The following TEX9 variants were observed in gnomAD, a reference collection of about 807,000 sequenced individuals.
TEX9 encodes the protein testis-expressed protein 9.
In TEX9, 74 loss-of-function variants were observed where a neutral mutation model predicts 59.6. The ratio of observed to expected loss-of-function variants is 1.24; its 90% CI spans 1.03 to 1.51. The LOEUF (loss-of-function observed/expected upper bound fraction) is 1.51, where lower values mean the gene tolerates loss of function less well. TEX9 is among the 40% of genes most tolerant of loss of function. TEX9 has a pLI of 0.00. For missense variants in TEX9, 522 were observed against 447.8 expected, an observed-to-expected ratio of 1.17 and a Z score of -1.49; for synonymous variants, 186 against 152.2, an observed-to-expected ratio of 1.22 and a Z score of -1.64.
chr15:56,365,653 C>T, exon 2 of TEX9: 1 of 1,614,148 alleles, frequency 6.2e-7, no homozygotes, highest in South Asian at 1.1e-5. Context: ...ACCTCCTCGC[C>T]TTGGAGGAAG....
intron 3 of TEX9, among the ~76,000 whole-genome samples, chr15:56,381,860 T>C (rs1288161526): frequency 1.3e-5 from 2 of 152,198 alleles, no homozygotes; most frequent in Non-Finnish European, 2.9e-5. Context: ...ACTACCTGGC[T>C]ACCACCTATG....
intron 10 of TEX9, among the ~76,000 whole-genome samples, chr15:56,419,697 G>C (rs1434895226): frequency 1.3e-5 from 2 of 151,700 alleles, no homozygotes; most frequent in African/African-American, 4.9e-5. Context: ...TCTTGATTTA[G>C]TTTTCTTATA....
At chr15:56,400,046 C>G (rs1461850097) in intron 9 of TEX9, among the ~76,000 whole-genome samples, 4 of 152,166 alleles carry the variant, frequency 2.6e-5, no homozygotes, top group Admixed American at 6.5e-5. Context: ...AGCAGAAAAG[C>G]TGAAAATTCT....
chr15:56,397,487 TGAG>T (rs2048536953), intron 9 of TEX9: 1 of 152,272 alleles, frequency 6.6e-6, no homozygotes, highest in African/African-American at 2.4e-5. Context: ...GCATAAGTCT[TGAG>T]GAGCTGAATG....
chr15:56,423,754 C>T lies in TEX9; in HGVS notation c.964-3851C>T, dbSNP rs907520037. Among the ~76,000 whole-genome samples, 3 of 152,204 alleles carry T rather than the reference C, an allele frequency of 2.0e-5. No homozygotes were observed. The East Asian group carries it at 5.8e-4, about 29-fold the overall frequency. On this transcript the variant is annotated intron_variant, in intron 10 of 12. Transcript: ENST00000352903. Reference sequence around the variant, plus strand: ...TCCTGTCTCTCCATATTTGTCTGTTCTGGTATATGATTATATTTTTTCTTT... The same window carrying T: ...TCCTGTCTCTCCATATTTGTCTGTTTTGGTATATGATTATATTTTTTCTTT...
At chr15:56,354,897 G>A (rs2046656110) in intron 1 of TEX9, among the ~76,000 whole-genome samples, 1 of 152,158 alleles carries the variant, frequency 6.6e-6, no homozygotes, top group Non-Finnish European at 1.5e-5. Context: ...AGTGACTCAA[G>A]TAAGTCAAAC....
chr15:56,271,911 C>T (rs1052070133), intron 1 of TEX9, among the ~76,000 whole-genome samples: 8 of 152,090 alleles, frequency 5.3e-5, no homozygotes, highest in South Asian at 4.1e-4. Context: ...GAGGCTGAGG[C>T]GGGCAGATCA....
At chr15:56,357,400 G>A (rs1223105260) in intron 1 of TEX9, among the ~76,000 whole-genome samples, 5 of 152,066 alleles carry the variant, frequency 3.3e-5, no homozygotes. Context: ...TTGGCATTAT[G>A]ACAGCTCCAG....
At chr15:56,247,069 T>C (rs2043875827) in intron 1 of TEX9, among the ~76,000 whole-genome samples, 2 of 152,196 alleles carry the variant, frequency 1.3e-5, no homozygotes, top group Non-Finnish European at 2.9e-5. Context: ...ATTTAATAAA[T>C]ATTTGTGGAA....
upstream of TEX9, among the ~76,000 whole-genome samples, chr15:56,361,123 T>G (rs1188464274): frequency 6.6e-6 from 1 of 152,214 alleles, no homozygotes; most frequent in African/African-American, 2.4e-5. Flanking sequence ...GATCTTCTCT[T>G]TTTCTTGGTT....
At chr15:56,347,080 A>G (rs1942904587) in intron 1 of TEX9, among the ~76,000 whole-genome samples, 2 of 152,202 alleles carry the variant, frequency 1.3e-5, no homozygotes, top group African/African-American at 4.8e-5. Flanking sequence ...AAGATTTCAA[A>G]AAGGATCAGA....
intron 9 of TEX9, chr15:56,396,917 C>T (rs1264551011): frequency 6.6e-6 from 1 of 152,200 alleles, no homozygotes; most frequent in East Asian, 1.9e-4. Context: ...TGTGTCTTAC[C>T]AGCAGCATGA....
intron 1 of TEX9, among the ~76,000 whole-genome samples, chr15:56,299,636 A>C (rs1302569544): frequency 2.6e-5 from 4 of 152,082 alleles, no homozygotes; most frequent in African/African-American, 9.7e-5. Context: ...CCTTACTTCC[A>C]TTTGAGGAGA....
chr15:56,311,206 A>T (rs9796722), intron 1 of TEX9, among the ~76,000 whole-genome samples: 61,510 of 138,310 alleles, frequency 0.44, 14,709 homozygotes, highest in Non-Finnish European at 0.54. Flanking sequence ...GGTTAGTTAC[A>T]TATGTATACA....
chr15:56,450,072 C>A (rs2050938025), downstream of TEX9, among the ~76,000 whole-genome samples: 1 of 152,124 alleles, frequency 6.6e-6, no homozygotes, highest in Admixed American at 6.5e-5. Context: ...TTATTGCCTT[C>A]CTCCTACCTT....
At chr15:56,404,223 G>C (rs1317673420) in intron 9 of TEX9, among the ~76,000 whole-genome samples, 1 of 152,132 alleles carries the variant, frequency 6.6e-6, no homozygotes, top group Non-Finnish European at 1.5e-5. Flanking sequence ...GAAAATTTTT[G>C]CAATCCACCC....
intron 1 of TEX9, among the ~76,000 whole-genome samples, chr15:56,307,318 C>T (rs2045506728): frequency 6.6e-6 from 1 of 152,172 alleles, no homozygotes; most frequent in South Asian, 2.1e-4. Flanking sequence ...CATCTGTTAC[C>T]CAATTTTGGA....
chr15:56,391,547 G>A, intron 7 of TEX9, 129 bp downstream of exon 7: 1 of 574,320 alleles, frequency 1.7e-6, no homozygotes, highest in Non-Finnish European at 2.7e-6. Context: ...GAATTATCTA[G>A]TAGGATGTGG....
rs905399345 is a variant in TEX9 at position 56,406,900 on chromosome 15, A to G, written c.829-5402A>G. Among the ~76,000 whole-genome samples, 14 of 152,262 alleles carry G rather than the reference A, an allele frequency of 9.2e-5. 1 individual carries two copies. In the East Asian group the frequency reaches 1.4e-3, roughly 15 times the overall value. On this transcript the variant is annotated intron_variant, in intron 9 of 12. Coordinates refer to ENST00000352903, the Ensembl canonical transcript of TEX9. Reference sequence around the variant, plus strand: ...TTTATTTTCTCAACAGTGTGTTTCAAAAGACAGCAGTTTTAAATTTTGATG... The same window carrying G: ...TTTATTTTCTCAACAGTGTGTTTCAGAAGACAGCAGTTTTAAATTTTGATG...
Sources: allele counts gnomAD v4.1 joint callset (sites outside exome capture counted in the v4.1 genomes callset), GRCh38; gene constraint gnomAD v4.1.1; transcripts MANE v1.5; gene names NCBI Gene and HGNC (gene_info 2026-07-23, HGNC 2026-07-21).